PREX1: variants seen among roughly 807,000 people sequenced by gnomAD.
PREX1 encodes phosphatidylinositol-3,4,5-trisphosphate dependent Rac exchange factor 1, also known as phosphatidylinositol 3,4,5-trisphosphate-dependent Rac exchanger 1 protein.
A neutral mutation model predicts 198.3 loss-of-function variants in PREX1; 41 were observed. That is an observed-to-expected ratio of 0.21 (90% confidence interval 0.16 to 0.27). The LOEUF is 0.27. Among genes scored for constraint, PREX1 ranks in the 10% least tolerant of loss-of-function variants. The pLI is 1.00. For missense variants in PREX1, 1,620 were observed against 2,200.7 expected (o/e 0.74, Z 5.28); for synonymous variants, 843 against 887.2 (o/e 0.95, Z 0.89).
chr20:48,627,832 T>C, intron 38 of PREX1, 29 bp downstream of exon 38: 3 of 1,598,778 alleles, frequency 1.9e-6, no homozygotes, highest in Non-Finnish European at 2.6e-6. Context: ...CCCAGGGTGC[T>C]GGAGGACCCT....
Position 48,827,589 on chromosome 20 carries a change from C to A in PREX1, c.219+53G>T. On this transcript the variant is annotated intron_variant, in intron 1 of 39. Coordinates refer to ENST00000371941, the MANE Select transcript of PREX1 (RefSeq NM_020820.4). This position sits in a 1 kb window ranked among gnomAD's most constrained non-coding sequence, Gnocchi z 4.1. ...CGGCCACAGGTTGTGGGGACCGCAG[C>A]GGGGCGAGCGGCTGGAGGGAAAGCT... is the stretch of plus-strand genomic sequence containing the variant. 8.5e-7 allele frequency: 1 copy of A among 1,175,504 alleles called. No homozygotes were observed. Among genetic ancestry groups the A allele is most frequent in the Non-Finnish European group, 1.1e-6 (1 of 929,358 alleles). The allele number at this position is 1,175,504 out of a possible 1,614,324, so 72.8% of individuals were successfully genotyped here. A position where few individuals can be genotyped will look rare whatever the true frequency, so the allele number is the denominator to read the frequency against.
Position 48,765,954 on chromosome 20 carries a change from T to G in PREX1, c.220-18074A>C, listed in dbSNP as rs186668335. Among the ~76,000 whole-genome samples, 80 of 152,174 alleles carry G rather than the reference T, an allele frequency of 5.3e-4. 1 individual carries two copies. The East Asian group carries it at 0.012, about 24-fold the overall frequency. ...CTGTCACATCAGCAGCAGCATCAGA[T>G]TCTCATAGGAGCACAAACCCTACTG... is the stretch of plus-strand genomic sequence containing the variant. On this transcript the variant is annotated intron_variant, in intron 1 of 39. Coordinates refer to ENST00000371941, the MANE Select transcript of PREX1 (RefSeq NM_020820.4).
At chr20:48,870,718 C>T in the PREX1 span, among the ~76,000 whole-genome samples, 1 of 151,664 alleles carries the variant, frequency 6.6e-6, no homozygotes, top group East Asian at 1.9e-4. Context: ...GAGGCCAAAG[C>T]AGGCAGGTCA....
chr20:48,658,345 A>G, intron 16 of PREX1, 117 bp from the exon 17 acceptor site: 1 of 1,025,306 alleles, frequency 9.8e-7, no homozygotes, highest in Non-Finnish European at 1.4e-6. Flanking sequence ...AAGTGGCCAG[A>G]TCCAGGTGGG....
intron 30 of PREX1, among the ~76,000 whole-genome samples, chr20:48,638,739 C>CTCA (rs1191224519): frequency 6.6e-6 from 1 of 152,316 alleles, no homozygotes; most frequent in African/African-American, 2.4e-5. Flanking sequence ...GGGCACTGAG[C>CTCA]GCATGACCTA....
intron 1 of PREX1, among the ~76,000 whole-genome samples, chr20:48,816,401 T>C (rs2090459395): frequency 6.6e-6 from 1 of 152,160 alleles, no homozygotes; most frequent in African/African-American, 2.4e-5. Context: ...GGGACTGTCA[T>C]TGTGACTGGT....
Position 48,650,984 on chromosome 20 carries a change from G to A in PREX1, c.2727C>T (p.Ser909=), listed in dbSNP as rs1202230366. The change falls in exon 23 of 40, where the codon AGC becomes AGT. Residue 909 remains serine, a synonymous_variant. Coordinates refer to ENST00000371941, the MANE Select transcript of PREX1 (RefSeq NM_020820.4). Reference sequence around the variant, plus strand: ...CAAAGTGGGGCATGGTCACGATGGCGCTGCTCAGGGCCATGAGCCGCCTGC... The same window carrying A: ...CAAAGTGGGGCATGGTCACGATGGCACTGCTCAGGGCCATGAGCCGCCTGC... ...ENCRRLMALS[S]AIVTMPHFEF... The A allele has an allele frequency of 4.3e-6, 7 of 1,614,064 alleles. No homozygotes were observed. The East Asian group carries it at 6.7e-5, about 15-fold the overall frequency.
At position 48,666,132 on chromosome 20, in the gene PREX1, G is replaced by A; in HGVS notation, c.1738+151C>T. 1.4e-6 allele frequency: 1 copy of A among 723,148 alleles called. No individual in the cohort carries two copies. The highest frequency in any genetic ancestry group is 2.4e-5 in the Admixed American group (1 of 41,196). The allele number at this position is 723,148 out of a possible 1,614,324, so 44.8% of individuals were successfully genotyped here. A position where few individuals can be genotyped will look rare whatever the true frequency, so the allele number is the denominator to read the frequency against. On this transcript the variant is annotated intron_variant, in intron 15 of 39. Coordinates refer to ENST00000371941, the MANE Select transcript of PREX1 (RefSeq NM_020820.4). This position sits in a 1 kb window ranked among gnomAD's most constrained non-coding sequence, Gnocchi z 4.3. ...GCCATTTCTCGATCGGTTCAGAACG[G>A]GAAGGGGAGGGAGGTGGGATTCGTG...
chr20:48,678,025 A>T, intron 13 of PREX1, among the ~76,000 whole-genome samples: 2 of 151,086 alleles, frequency 1.3e-5, no homozygotes, highest in Non-Finnish European at 2.9e-5. Context: ...CCAAACATAT[A>T]AAAAAAGGCC....
intron 1 of PREX1, among the ~76,000 whole-genome samples, chr20:48,797,054 T>C (rs529850996): frequency 2.6e-5 from 4 of 152,004 alleles, no homozygotes; most frequent in Non-Finnish European, 5.9e-5. Context: ...ACTTGGTGTA[T>C]TGTACATTTT....
intron 1 of PREX1, among the ~76,000 whole-genome samples, chr20:48,766,346 G>C (rs1213260664): frequency 6.6e-6 from 1 of 152,112 alleles, no homozygotes; most frequent in Non-Finnish European, 1.5e-5. Context: ...GACACAAAGG[G>C]ATCGTCACAA....
In PREX1 at chr20:48,698,562, G is replaced by A. The variant is rs140887567; in HGVS notation, c.917+2191C>T. 1.2e-3 allele frequency among the ~76,000 whole-genome samples: 177 copies of A among 152,276 alleles called. No individual in the cohort carries two copies. The East Asian group carries it at 0.026, about 22-fold the overall frequency. On this transcript the variant is annotated intron_variant, in intron 7 of 39. Coordinates refer to ENST00000371941, the MANE Select transcript of PREX1 (RefSeq NM_020820.4). ...AGGGGGCGTTCATGAGGGGACAGCA[G>A]GACGTGAGATAGACAGACCTCAAGG...
the PREX1 span, among the ~76,000 whole-genome samples, chr20:48,863,357 C>T: frequency 6.6e-6 from 1 of 152,106 alleles, no homozygotes; most frequent in Admixed American, 6.6e-5. Flanking sequence ...CAGGTCTTGG[C>T]AAATGTATGA....
rs2089869388 is a variant in PREX1, at chr20:48,700,737, C to T, written c.917+16G>A. 6.2e-7 allele frequency: 1 copy of T among 1,612,320 alleles called. No individual in the cohort carries two copies. Among genetic ancestry groups the T allele is most frequent in the South Asian group, 1.1e-5 (1 of 91,002 alleles). On this transcript the variant is annotated intron_variant, in intron 7 of 39. Transcript: ENST00000371941. ...GGCAGCAGGCCAGACCCCATCCCAG[C>T]CTCCTGGCCACTCACCTGGATTTCC...
chr20:48,701,198 G>C (rs2089871983), intron 6 of PREX1, among the ~76,000 whole-genome samples: 1 of 151,986 alleles, frequency 6.6e-6, no homozygotes, highest in South Asian at 2.1e-4. Flanking sequence ...GGTATATTTT[G>C]GTTCAGTTTT....
intron 15 of PREX1, among the ~76,000 whole-genome samples, chr20:48,665,569 G>A (rs1184098979): frequency 1.3e-5 from 2 of 152,170 alleles, no homozygotes; most frequent in African/African-American, 2.4e-5. Flanking sequence ...CCTTGAGAAA[G>A]TTTCTTAACT....
At chr20:48,661,435 AAAAAAAAAAATATAT>A (rs1307494175) in intron 15 of PREX1, among the ~76,000 whole-genome samples, 5 of 108,646 alleles carry the variant, frequency 4.6e-5, no homozygotes, top group South Asian at 6.2e-4. Context: ...AAAAAAAAAA[AAAAAAAAAAATATAT>A]ATATATATAT....
At chr20:48,847,382 A>C in the PREX1 span, among the ~76,000 whole-genome samples, 1 of 150,090 alleles carries the variant, frequency 6.7e-6, no homozygotes, top group Non-Finnish European at 1.5e-5. Context: ...AAAAAAAAAA[A>C]AACAAACCCT....
chr20:48,645,977 A>C lies in PREX1; in HGVS notation c.3386T>G (p.Leu1129Arg). 9 of 1,614,148 alleles carry C rather than the reference A, an allele frequency of 5.6e-6. No homozygotes were observed. Among genetic ancestry groups the C allele is most frequent in the Non-Finnish European group, 7.6e-6 (9 of 1,180,016 alleles). ...SLAEEASSLPLVSEESEMDRS... is the reference protein window; with the variant it reads ...SLAEEASSLPRVSEESEMDRS... Reference sequence around the variant, plus strand: ...GTCCATCTCGCTCTCTTCACTGACCAGGGGCAGGGAGGAGGCCTCCTCAGC... The same window carrying C: ...GTCCATCTCGCTCTCTTCACTGACCCGGGGCAGGGAGGAGGCCTCCTCAGC... The change falls in exon 26 of 40, where the codon CTG becomes CGG. Residue 1129 changes from leucine to arginine, a missense_variant. Around this residue, in one of 7 missense-constraint regions of PREX1, gnomAD observed 514 missense variants for 611.6 expected, o/e 0.84. Transcript: ENST00000371941.
Sources: allele counts gnomAD v4.1 joint callset (sites outside exome capture counted in the v4.1 genomes callset), GRCh38; gene constraint gnomAD v4.1.1; regional missense constraint gnomAD v4.1.1; non-coding constraint Gnocchi (gnomAD v3.1); transcripts MANE v1.5; gene names NCBI Gene and HGNC (gene_info 2026-07-23, HGNC 2026-07-21).